FGF14: variants seen among roughly 807,000 people sequenced by gnomAD.
The protein encoded by FGF14 is fibroblast growth factor homologous factor 4.
Under a neutral mutation model 25.5 loss-of-function variants are expected in FGF14, and 5 were observed. The observed-to-expected ratio is 0.20, with a 90% CI of 0.10 to 0.41. FGF14 has a LOEUF of 0.41. Among genes scored for constraint, FGF14 ranks in the 10% least tolerant of loss-of-function variants. The probability of loss-of-function intolerance (pLI) is 1.00; values close to 1 mark genes in which losing one functional copy is unlikely to be tolerated. For missense variants in FGF14, 222 were observed against 320.1 expected, an observed-to-expected ratio of 0.69 and a Z score of 2.34; for synonymous variants, 138 against 118.3, an observed-to-expected ratio of 1.17 and a Z score of -1.08.
chr13:102,137,478 A>G (rs1054205350), intron 1 of FGF14, among the ~76,000 whole-genome samples: 1 of 152,306 alleles, frequency 6.6e-6, no homozygotes, highest in Non-Finnish European at 1.5e-5. Context: ...TGTGTCCCAA[A>G]TAAGTCTGGA....
At chr13:102,111,944 A>G (rs562181124) in intron 1 of FGF14, among the ~76,000 whole-genome samples, 1 of 152,256 alleles carries the variant, frequency 6.6e-6, no homozygotes, top group African/African-American at 2.4e-5. Context: ...TACTTTTTAA[A>G]ATTTAATTTG....
intron 3 of FGF14, chr13:101,778,812 C>T (rs988145353): frequency 2.0e-5 from 3 of 151,914 alleles, no homozygotes; most frequent in Non-Finnish European, 4.4e-5. Flanking sequence ...AAAACAGCTT[C>T]TGCTTGTTTT....
intron 3 of FGF14, among the ~76,000 whole-genome samples, chr13:101,837,895 G>A (rs1368150293): frequency 6.6e-6 from 1 of 151,916 alleles, no homozygotes; most frequent in Non-Finnish European, 1.5e-5. Context: ...CCTCAATCTG[G>A]GTGGGCACTA....
intron 1 of FGF14, among the ~76,000 whole-genome samples, chr13:102,365,516 G>T (rs1246961088): frequency 3.3e-5 from 5 of 152,138 alleles, no homozygotes; most frequent in Non-Finnish European, 5.9e-5. Context: ...TCAAAATTTT[G>T]TAATTATATT....
intron 1 of FGF14, chr13:102,373,433 A>G (rs1309508656): frequency 1.3e-5 from 2 of 152,188 alleles, no homozygotes; most frequent in African/African-American, 4.8e-5. Context: ...GGTTGCAGAA[A>G]ATGAAATGAC....
intron 1 of FGF14, among the ~76,000 whole-genome samples, chr13:102,038,510 A>G (rs1432894931): frequency 2.0e-5 from 3 of 152,174 alleles, no homozygotes; most frequent in African/African-American, 7.2e-5. Flanking sequence ...TGATTTTTAC[A>G]ATAGGAACCA....
chr13:102,309,297 G>A (rs1046457589), intron 1 of FGF14, among the ~76,000 whole-genome samples: 1 of 152,112 alleles, frequency 6.6e-6, no homozygotes, highest in Non-Finnish European at 1.5e-5. Context: ...GCCTGGAAAC[G>A]CTACCACGTT....
chr13:102,032,861 T>C (rs894745565), intron 1 of FGF14, among the ~76,000 whole-genome samples: 2 of 152,108 alleles, frequency 1.3e-5, no homozygotes, highest in Non-Finnish European at 1.5e-5. Context: ...TTCTGGATCT[T>C]CACCTCTAAG....
chr13:101,788,303 G>A (rs561816060), intron 3 of FGF14, among the ~76,000 whole-genome samples: 1 of 152,128 alleles, frequency 6.6e-6, no homozygotes, highest in Non-Finnish European at 1.5e-5. Flanking sequence ...TGAGATTGTT[G>A]AAATGTCTGC....
At chr13:101,874,257 T>A (rs907322685) in intron 2 of FGF14, among the ~76,000 whole-genome samples, 2 of 152,154 alleles carry the variant, frequency 1.3e-5, no homozygotes, top group Non-Finnish European at 2.9e-5. Context: ...GATTTGATTA[T>A]GTGTATTATT....
Position 102,326,649 on chromosome 13 carries a change from A to AGAAGGGAGGG in FGF14, c.208+74812_208+74821dup, listed in dbSNP as rs1296784802. 4.0e-3 allele frequency among the ~76,000 whole-genome samples: 403 copies of AGAAGGGAGGG among 100,832 alleles called. 3 individuals carry two copies. The highest frequency in any genetic ancestry group is 6.3e-3 in the Non-Finnish European group (331 of 52,906). 66.1% of individuals were successfully genotyped at this position (100,832 alleles called of 152,430 possible). ...GGAGGGAAAGGGAGGGAAAGGGAGG[A>AGAAGGGAGGG]GAAGGGAGGGGAAGGGAGGGGAAGG... On this transcript the variant is annotated intron_variant, in intron 1 of 4. Transcript: ENST00000376131.
intron 1 of FGF14, among the ~76,000 whole-genome samples, chr13:102,113,042 C>A (rs1225085970): frequency 6.6e-6 from 1 of 152,200 alleles, no homozygotes; most frequent in Non-Finnish European, 1.5e-5. Context: ...AGAAGTTGAT[C>A]TTCATGGAGT....
intron 1 of FGF14, among the ~76,000 whole-genome samples, chr13:102,221,530 C>T (rs2050609660): frequency 6.6e-6 from 1 of 152,038 alleles, no homozygotes; most frequent in Admixed American, 6.6e-5. Flanking sequence ...TAAAAGGAGA[C>T]CGCATATAAT....
At chr13:101,888,276 G>C (rs80208081) in intron 1 of FGF14, among the ~76,000 whole-genome samples, 2 of 152,152 alleles carry the variant, frequency 1.3e-5, no homozygotes, top group African/African-American at 4.8e-5. Flanking sequence ...TGCTGGTAGC[G>C]GTAACCTATT....
chr13:102,320,103 A>C (rs1384216933), intron 1 of FGF14, among the ~76,000 whole-genome samples: 1 of 152,090 alleles, frequency 6.6e-6, no homozygotes, highest in East Asian at 1.9e-4. Flanking sequence ...CCAAAGCAGC[A>C]GTTGTAGGGG....
chr13:102,051,032 C>T (rs577265457), intron 1 of FGF14, among the ~76,000 whole-genome samples: 1 of 152,340 alleles, frequency 6.6e-6, no homozygotes, highest in East Asian at 1.9e-4. Flanking sequence ...GTCTCCCAAA[C>T]CACCATTTAT....
At chr13:102,338,899 T>C (rs1476754011) in intron 1 of FGF14, among the ~76,000 whole-genome samples, 1 of 151,424 alleles carries the variant, frequency 6.6e-6, no homozygotes, top group Non-Finnish European at 1.5e-5. Flanking sequence ...TAATCCCAGA[T>C]ACTCGGGAGT....
chr13:102,140,570 C>T (rs191295309), intron 1 of FGF14, among the ~76,000 whole-genome samples: 15 of 152,202 alleles, frequency 9.9e-5, no homozygotes, highest in Admixed American at 8.5e-4. Context: ...TTTATCATTA[C>T]CTATGCTGAT....
chr13:102,146,932 T>C (rs1324497719), intron 1 of FGF14, among the ~76,000 whole-genome samples: 1 of 152,298 alleles, frequency 6.6e-6, no homozygotes, highest in East Asian at 1.9e-4. Context: ...AGAAACTTAG[T>C]GATCAATCCT....
Sources: gnomAD v4.1 joint callset for allele counts (sites outside exome capture counted in the v4.1 genomes callset) on GRCh38, gnomAD v4.1.1 for gene constraint, MANE v1.5 for transcripts, NCBI Gene and HGNC (gene_info 2026-07-23, HGNC 2026-07-21) for gene names.